The following PCBP3 variants were observed in gnomAD, a reference collection of about 807,000 sequenced individuals.
The protein encoded by PCBP3 is poly(rC) binding protein 3, also known as poly(rC)-binding protein 3.
Under a neutral mutation model 52.7 loss-of-function variants are expected in PCBP3, and 25 were observed. The ratio of observed to expected loss-of-function variants is 0.47; its 90% CI spans 0.35 to 0.66. The LOEUF (loss-of-function observed/expected upper bound fraction) is 0.66. Ranked by LOEUF, PCBP3 falls within the 30% of genes least tolerant of loss-of-function variation. The probability of loss-of-function intolerance (pLI) is 0.01; values close to 1 mark genes in which losing one functional copy is unlikely to be tolerated. For synonymous variants in PCBP3, 162 were observed against 183.0 expected, an observed-to-expected ratio of 0.89 and a Z score of 0.93; for missense variants, 391 against 490.3, an observed-to-expected ratio of 0.80 and a Z score of 1.91.
intron 4 of PCBP3, among the ~76,000 whole-genome samples, chr21:45,766,522 AG>A (rs1387044872): frequency 6.6e-6 from 1 of 152,222 alleles, no homozygotes; most frequent in East Asian, 1.9e-4. Flanking sequence ...ATTCCAACCC[AG>A]CCAGCACCCT....
At chr21:45,774,428 C>T (rs1054616843) in intron 4 of PCBP3, among the ~76,000 whole-genome samples, 1 of 151,184 alleles carries the variant, frequency 6.6e-6, no homozygotes, top group Non-Finnish European at 1.5e-5. Flanking sequence ...TTGGTGGAGA[C>T]TTTAGTTTTT....
chr21:45,909,790 ACCCCC>A (rs376651490), intron 10 of PCBP3, among the ~76,000 whole-genome samples: 11 of 10,012 alleles, frequency 1.1e-3, no homozygotes, highest in African/African-American at 2.5e-3. Context: ...CCAGATACGG[ACCCCC>A]CCCCCACCCA....
chr21:45,800,349 A>G lies in PCBP3; in HGVS notation c.-126+44897A>G, dbSNP rs1377913637. Among the ~76,000 whole-genome samples, 2 of 152,216 alleles carry G rather than the reference A, an allele frequency of 1.3e-5. No homozygotes were observed. Among genetic ancestry groups the G allele is most frequent in the Admixed American group, 1.3e-4 (2 of 15,290 alleles). On this transcript the variant is annotated intron_variant, in intron 4 of 17. Coordinates refer to ENST00000681687, the MANE Select transcript of PCBP3 (RefSeq NM_001384156.1). The surrounding 1 kb of genome is among the most constrained non-coding windows in gnomAD (Gnocchi z 5.3). ...GGAGCAAGCCTGTGCGCCCTGAGCC[A>G]GGCCTTCTGTGAAGTGCAGATGATG...
At chr21:45,715,460 A>G (rs2084152328) in intron 2 of PCBP3, among the ~76,000 whole-genome samples, 1 of 152,184 alleles carries the variant, frequency 6.6e-6, no homozygotes, top group Admixed American at 6.5e-5. Context: ...TATTATCACT[A>G]ATTTCAGAAC....
At chr21:45,792,289 G>C (rs2091650828) in intron 4 of PCBP3, among the ~76,000 whole-genome samples, 1 of 152,286 alleles carries the variant, frequency 6.6e-6, no homozygotes, top group African/African-American at 2.4e-5. Flanking sequence ...GAACCGCTGG[G>C]GCAGCCTTGG....
chr21:45,661,754 T>G (rs1453402720), intron 1 of PCBP3, among the ~76,000 whole-genome samples: 1 of 152,218 alleles, frequency 6.6e-6, no homozygotes, highest in Non-Finnish European at 1.5e-5. Context: ...CCATAGAGAT[T>G]GTACTAATTT....
chr21:45,913,824 CG>C, intron 11 of PCBP3, 126 bp from the exon 12 acceptor site: 1 of 820,260 alleles, frequency 1.2e-6, no homozygotes, highest in Non-Finnish European at 1.9e-6. Context: ...CTGCGAAACT[CG>C]GGGAGGTGTG....
rs188219197 is a variant in PCBP3 at position 45,732,273 on chromosome 21, T to C, written c.-199-3119T>C. On this transcript the variant is annotated intron_variant, in intron 2 of 17. Transcript: ENST00000681687. ...CTGTCTGTGCTTGTCTCTTTGTACA[T>C]AGTTTCCTATTTTAAAAAATTAATT... Among the ~76,000 whole-genome samples, 8 of 152,204 alleles carry C rather than the reference T, an allele frequency of 5.3e-5. No homozygotes were observed. In the East Asian group the frequency reaches 1.5e-3, roughly 29 times the overall value.
At chr21:45,940,848 G>A (rs911336897) in intron 17 of PCBP3, among the ~76,000 whole-genome samples, 6 of 73,200 alleles carry the variant, frequency 8.2e-5, no homozygotes, top group African/African-American at 2.9e-4. Flanking sequence ...GCCGGCCTCT[G>A]ATGTAAGGAA....
At position 45,782,004 on chromosome 21, in the gene PCBP3, T is replaced by C. The variant is rs150450694; in HGVS notation, c.-126+26552T>C. Among the ~76,000 whole-genome samples the C allele has an allele frequency of 2.4e-4, 37 of 152,366 alleles. No homozygotes were observed. The East Asian group carries it at 6.4e-3, about 26-fold the overall frequency. ...CTCTCAAGATTCGTCAGTGCCGTTA[T>C]GTGTATCAGTAGTTCATTCAGTATT... is the stretch of plus-strand genomic sequence containing the variant. On this transcript the variant is annotated intron_variant, in intron 4 of 17. Transcript: ENST00000681687.
chr21:45,734,389 C>T (rs1311273946), intron 2 of PCBP3, among the ~76,000 whole-genome samples: 1 of 152,214 alleles, frequency 6.6e-6, no homozygotes, highest in Non-Finnish European at 1.5e-5. Context: ...CACCACAGAC[C>T]TCTGGGATGT....
At chr21:45,795,714 G>A (rs1019110792) in intron 4 of PCBP3, among the ~76,000 whole-genome samples, 3 of 152,082 alleles carry the variant, frequency 2.0e-5, no homozygotes, top group Admixed American at 6.5e-5. Flanking sequence ...AGATAAAGTA[G>A]GAAAAATGAA....
chr21:45,918,667 T>C (rs1358109787), intron 13 of PCBP3: 1 of 143,324 alleles, frequency 7.0e-6, no homozygotes. Context: ...AGATAAACCG[T>C]CGGTGTAATT....
intron 2 of PCBP3, among the ~76,000 whole-genome samples, chr21:45,722,197 A>G (rs1344251746): frequency 6.6e-6 from 1 of 152,224 alleles, no homozygotes; most frequent in Non-Finnish European, 1.5e-5. Flanking sequence ...GGAATGATCC[A>G]TGACATGAAA....
intron 15 of PCBP3, among the ~76,000 whole-genome samples, chr21:45,933,619 A>C (rs1276584166): frequency 6.6e-6 from 1 of 152,272 alleles, no homozygotes; most frequent in Non-Finnish European, 1.5e-5. Context: ...TTGTTTTGAA[A>C]GTATCTTTAT....
rs1291579468 is a variant in PCBP3 at position 45,736,016 on chromosome 21, TA to T, written c.-162+591del. 2.0e-5 allele frequency among the ~76,000 whole-genome samples: 3 copies of T among 152,268 alleles called. No individual in the cohort carries two copies. The highest frequency in any genetic ancestry group is 2.9e-5 in the Non-Finnish European group (2 of 68,048). On this transcript the variant is annotated intron_variant, in intron 3 of 17. Transcript: ENST00000681687. This position sits in a 1 kb window ranked among gnomAD's most constrained non-coding sequence, Gnocchi z 4.6. ...AAAACTACCTTGAGATGACTCCTTT[TA>T]AAATTATCCTTAAGATGTCTTTCTT...
intron 5 of PCBP3, chr21:45,872,331 C>T (rs1319589674): frequency 1.3e-5 from 2 of 152,246 alleles, no homozygotes; most frequent in Non-Finnish European, 2.9e-5. Context: ...AAAAGGCGTC[C>T]CTGGTCCCGC....
chr21:45,911,695 G>A (rs558951638), intron 11 of PCBP3, among the ~76,000 whole-genome samples: 3 of 152,176 alleles, frequency 2.0e-5, no homozygotes, highest in Non-Finnish European at 2.9e-5. Flanking sequence ...AAGAAGCCTC[G>A]CCCCAGATGG....
At chr21:45,684,522 C>T (rs1329720493) in intron 2 of PCBP3, among the ~76,000 whole-genome samples, 1 of 152,114 alleles carries the variant, frequency 6.6e-6, no homozygotes, top group Non-Finnish European at 1.5e-5. Flanking sequence ...GGTGTCCTCC[C>T]TGCAGTAATG....
Sources: gnomAD v4.1 joint callset for allele counts (sites outside exome capture counted in the v4.1 genomes callset) on GRCh38, gnomAD v4.1.1 for gene constraint, Gnocchi (gnomAD v3.1) non-coding constraint, MANE v1.5 for transcripts, NCBI Gene and HGNC (gene_info 2026-07-23, HGNC 2026-07-21) for gene names.